CCDC27: variants seen among roughly 807,000 people sequenced by gnomAD.
CCDC27 encodes coiled-coil domain containing 27, also known as coiled-coil domain-containing protein 27.
Under a neutral mutation model 80.3 loss-of-function variants are expected in CCDC27, and 80 were observed. The observed-to-expected ratio is 1.00, with a 90% CI of 0.83 to 1.20. CCDC27 has a LOEUF of 1.20. Among genes scored for constraint, CCDC27 ranks in the 50% most tolerant of loss-of-function variants. CCDC27 has a pLI of 0.00. For missense variants in CCDC27, 815 were observed against 809.4 expected, an observed-to-expected ratio of 1.01 and a Z score of -0.08; for synonymous variants, 342 against 334.3, an observed-to-expected ratio of 1.02 and a Z score of -0.25.
rs1285237764 is a variant in CCDC27 at position 3,761,142 on chromosome 1, T to C, written c.712-139T>C. 1 of 921,874 alleles carries C rather than the reference T, an allele frequency of 1.1e-6. No individual in the cohort carries two copies. Among genetic ancestry groups the C allele is most frequent in the Non-Finnish European group, 1.6e-6 (1 of 606,252 alleles). 57.1% of individuals were successfully genotyped at this position (921,874 alleles called of 1,614,324 possible). ...AGTGCTAGCTCTTTACCGCAGTACC[T>C]ATCTTGAAATCCCTGGGACCCTGGG... On this transcript the variant is annotated intron_variant, in intron 4 of 11. Coordinates refer to ENST00000294600, the MANE Select transcript of CCDC27 (RefSeq NM_152492.3). This position sits in a 1 kb window ranked among gnomAD's most constrained non-coding sequence, Gnocchi z 5.0.
intron 4 of CCDC27, among the ~76,000 whole-genome samples, chr1:3,759,100 C>A (rs1252360845): frequency 6.6e-6 from 1 of 151,964 alleles, no homozygotes; most frequent in East Asian, 1.9e-4. Flanking sequence ...GCCAGTAATC[C>A]CAGCTACTTG....
At chr1:3,759,002 A>T (rs1643025980) in intron 4 of CCDC27, among the ~76,000 whole-genome samples, 1 of 152,008 alleles carries the variant, frequency 6.6e-6, no homozygotes, top group East Asian at 1.9e-4. Context: ...TGAGGTCAGG[A>T]GTTCAAGACC....
At chr1:3,753,739 C>T (rs924252682) in intron 1 of CCDC27, among the ~76,000 whole-genome samples, 5 of 152,232 alleles carry the variant, frequency 3.3e-5, no homozygotes, top group Non-Finnish European at 7.3e-5. Context: ...CACACGCAGG[C>T]CCTTTCAACC....
rs757984981 is a variant in CCDC27, at chr1:3,752,839, G to A, written c.318+40G>A. On this transcript the variant is annotated intron_variant, in intron 1 of 11. Coordinates refer to ENST00000294600, the MANE Select transcript of CCDC27 (RefSeq NM_152492.3). ...GAGGAGGGCTGCCACGAGCCTTGAGGTGACCTGTTTCTTCTCCTCCCCAAA... is the reference window on the plus strand; with the variant it reads ...GAGGAGGGCTGCCACGAGCCTTGAGATGACCTGTTTCTTCTCCTCCCCAAA... 3.2e-6 allele frequency: 5 copies of A among 1,582,340 alleles called. No individual in the cohort carries two copies. In the Admixed American group the frequency reaches 5.3e-5, roughly 17 times the overall value.
At position 3,771,473 on chromosome 1, in the gene CCDC27, C is replaced by T. The variant is rs769078205; in HGVS notation, c.1921C>T (p.Gln641Ter). 5 of 1,614,032 alleles carry T rather than the reference C, an allele frequency of 3.1e-6. No homozygotes were observed. The South Asian group carries it at 5.5e-5, about 18-fold the overall frequency. ...AGGCGTCAAAGTGCCCCCCCTGCAA[C>T]AGTCAGAGGCCTTCCTGACCAGCAA... ...QKGVKVPPLQ[Q>*]SEAFLTSKSK... Residue 641 changes from glutamine to a stop codon, truncating the protein, a stop_gained, in exon 12 of 12, where the codon CAG becomes TAG. Coordinates refer to ENST00000294600, the MANE Select transcript of CCDC27 (RefSeq NM_152492.3). LOFTEE classifies it low-confidence loss of function (END_TRUNC).
At chr1:3,755,327 C>G (rs1459534888) in intron 2 of CCDC27, 130 bp from the exon 3 acceptor site, 3 of 752,002 alleles carry the variant, frequency 4.0e-6, no homozygotes, top group Non-Finnish European at 7.1e-6. Context: ...CTTGCTCAGT[C>G]CCATGCATCC....
Position 3,763,051 on chromosome 1 carries a change from C to G in CCDC27, c.955-57C>G, listed in dbSNP as rs74831548. The G allele has an allele frequency of 3.5e-6, 5 of 1,443,188 alleles. No individual in the cohort carries two copies. The East Asian group carries it at 1.3e-4, about 37-fold the overall frequency. The allele number at this position is 1,443,188 out of a possible 1,614,324, so 89.4% of individuals were successfully genotyped here. A position where few individuals can be genotyped will look rare whatever the true frequency, so the allele number is the denominator to read the frequency against. ...TGCCCCCGCCATGAGCATTAGAGCC[C>G]TCTGCCCTGGGGGTGCCCCGCAGCC... On this transcript the variant is annotated intron_variant, in intron 6 of 11. Coordinates refer to ENST00000294600, the MANE Select transcript of CCDC27 (RefSeq NM_152492.3). The surrounding 1 kb of genome is among the most constrained non-coding windows in gnomAD (Gnocchi z 7.5).
At position 3,752,838 on chromosome 1, in the gene CCDC27, G is replaced by A. The variant is rs1642857384; in HGVS notation, c.318+39G>A. 5 of 1,583,730 alleles carry A rather than the reference G, an allele frequency of 3.2e-6. No individual in the cohort carries two copies. The Admixed American group carries it at 5.3e-5, about 17-fold the overall frequency. ...GGAGGAGGGCTGCCACGAGCCTTGA[G>A]GTGACCTGTTTCTTCTCCTCCCCAA... On this transcript the variant is annotated intron_variant, in intron 1 of 11. Transcript: ENST00000294600.
At chr1:3,754,616 G>A (rs1362832598) in intron 2 of CCDC27, among the ~76,000 whole-genome samples, 1 of 152,120 alleles carries the variant, frequency 6.6e-6, no homozygotes, top group Non-Finnish European at 1.5e-5. Flanking sequence ...GTGCCCCTGG[G>A]GAGCCCTAGC....
In CCDC27 at chr1:3,755,566, C is replaced by T. The variant is rs752708476; in HGVS notation, c.552C>T (p.Asp184=). ...GGCGGGGCTCAGACACGAACGTGGA[C>T]GGTGAGGGAGCCCCTAGGGCCTCTG... ...LARRGSDTNV[D]GYLLPFSKSI... is the part of the protein sequence containing the mutation. The change falls in exon 3 of 12, where the codon GAC becomes GAT. Residue 184 remains aspartate, a splice_region_variant and synonymous_variant. Coordinates refer to ENST00000294600, the MANE Select transcript of CCDC27 (RefSeq NM_152492.3). 120 of 1,612,776 alleles carry T rather than the reference C, an allele frequency of 7.4e-5. No individual in the cohort carries two copies. In the East Asian group the frequency reaches 8.0e-4, roughly 11 times the overall value.
At position 3,761,531 on chromosome 1, in the gene CCDC27, G is replaced by A; in HGVS notation, c.861+101G>A. On this transcript the variant is annotated intron_variant, in intron 5 of 11. Coordinates refer to ENST00000294600, the MANE Select transcript of CCDC27 (RefSeq NM_152492.3). This position sits in a 1 kb window ranked among gnomAD's most constrained non-coding sequence, Gnocchi z 5.0. ...ACACAGGCCCCTGGCAAACCCCCAGGCCCCCTGGATCCTATCAGGTCCTCA... is the reference window on the plus strand; with the variant it reads ...ACACAGGCCCCTGGCAAACCCCCAGACCCCCTGGATCCTATCAGGTCCTCA... The A allele has an allele frequency of 1.4e-6, 2 of 1,396,790 alleles. No individual in the cohort carries two copies. Among genetic ancestry groups the A allele is most frequent in the South Asian group, 1.4e-5 (1 of 71,416 alleles). 86.5% of individuals were successfully genotyped at this position (1,396,790 alleles called of 1,614,324 possible).
In CCDC27 at chr1:3,760,208, T is replaced by C. The variant is rs12406474; in HGVS notation, c.712-1073T>C. Among the ~76,000 whole-genome samples, 32,208 of 152,062 alleles carry C rather than the reference T, an allele frequency of 0.21. 3,717 individuals are homozygous for C. The highest frequency in any genetic ancestry group is 0.26 in the Admixed American group (3,947 of 15,264). Reference sequence around the variant, plus strand: ...GAAATGTGATTTCTGCACTTTTTTTTCCCTTTAACTTTGTATTTCAGGCAT... The same window carrying C: ...GAAATGTGATTTCTGCACTTTTTTTCCCCTTTAACTTTGTATTTCAGGCAT... On this transcript the variant is annotated intron_variant, in intron 4 of 11. Transcript: ENST00000294600. This position sits in a 1 kb window ranked among gnomAD's most constrained non-coding sequence, Gnocchi z 4.3.
chr1:3,752,847 T>G (rs1642857765), intron 1 of CCDC27, 48 bp downstream of exon 1: 2 of 1,560,672 alleles, frequency 1.3e-6, no homozygotes, highest in South Asian at 2.4e-5. Context: ...AGGTGACCTG[T>G]TTCTTCTCCT....
In CCDC27 at chr1:3,771,576, C is replaced by A; in HGVS notation, c.*53C>A. The A allele has an allele frequency of 6.3e-7, 1 of 1,594,784 alleles. No individual in the cohort carries two copies. The highest frequency in any genetic ancestry group is 8.5e-7 in the Non-Finnish European group (1 of 1,171,152). The stretch of plus-strand genomic sequence containing the variant: ...GCCCAGCAGAGGCCGGGGCCCAGCT[C>A]CAGAACCACCCGCCCCCACCATGCG... On this transcript the variant is annotated 3_prime_UTR_variant, in exon 12 of 12. Coordinates refer to ENST00000294600, the MANE Select transcript of CCDC27 (RefSeq NM_152492.3).
rs539556020 is a variant in CCDC27, at chr1:3,755,898, C to T, written c.553+331C>T. The stretch of plus-strand genomic sequence containing the variant: ...CCCCCCGGGACACTGCTCCCGCAGA[C>T]AGGTGTGCCTGTTTCCATTTACCAA... On this transcript the variant is annotated intron_variant, in intron 3 of 11. Coordinates refer to ENST00000294600, the MANE Select transcript of CCDC27 (RefSeq NM_152492.3). 3 of 276,250 alleles carry T rather than the reference C, an allele frequency of 1.1e-5. No individual in the cohort carries two copies. The East Asian group carries it at 2.1e-4, about 19-fold the overall frequency. 17.1% of individuals were successfully genotyped at this position (276,250 alleles called of 1,614,324 possible).
intron 11 of CCDC27, among the ~76,000 whole-genome samples, chr1:3,770,909 T>C (rs142588228): frequency 1.2e-3 from 184 of 152,232 alleles, no homozygotes; most frequent in African/African-American, 4.2e-3. Flanking sequence ...TTGCTTGCCA[T>C]AGCCTGACAT....
intron 4 of CCDC27, among the ~76,000 whole-genome samples, chr1:3,759,652 TGGG>T (rs1024069322): frequency 6.6e-6 from 1 of 152,110 alleles, no homozygotes; most frequent in African/African-American, 2.4e-5. Flanking sequence ...ACAGAGGTGT[TGGG>T]GGGTCATATG....
chr1:3,770,128 G>C (rs1028966306), intron 11 of CCDC27, among the ~76,000 whole-genome samples: 1 of 152,176 alleles, frequency 6.6e-6, no homozygotes, highest in Non-Finnish European at 1.5e-5. Context: ...CGGGGGACGG[G>C]CATCAGAGAC....
At chr1:3,762,535 T>G in intron 5 of CCDC27, 85 bp from the exon 6 acceptor site, 1 of 1,076,822 alleles carries the variant, frequency 9.3e-7, no homozygotes, top group East Asian at 2.6e-5. Context: ...GAGAGGCCGC[T>G]GTCCCTTCTA....
Sources: allele counts gnomAD v4.1 joint callset (sites outside exome capture counted in the v4.1 genomes callset), GRCh38; gene constraint gnomAD v4.1.1; non-coding constraint Gnocchi (gnomAD v3.1); transcripts MANE v1.5; gene names NCBI Gene and HGNC (gene_info 2026-07-23, HGNC 2026-07-21).